Variants in KCNMA1 observed in about 807,000 individuals in gnomAD.
KCNMA1 encodes Calcium-activated potassium channel subunit alpha-1.
KCNMA1 carries 29 observed loss-of-function variants against 140.0 expected under a neutral mutation model. The ratio of observed to expected loss-of-function variants is 0.21; its 90% CI spans 0.15 to 0.28. The LOEUF (loss-of-function observed/expected upper bound fraction) is 0.28. KCNMA1 is among the 10% of genes least tolerant of loss of function. KCNMA1 has a pLI of 1.00. For missense variants in KCNMA1, 880 were observed against 1,602.2 expected, an observed-to-expected ratio of 0.55 and a Z score of 7.70; for synonymous variants, 612 against 611.9, an observed-to-expected ratio of 1.00 and a Z score of 0.00.
intron 3 of KCNMA1, among the ~76,000 whole-genome samples, chr10:77,205,476 G>A (rs1361599713): frequency 2.0e-5 from 3 of 152,138 alleles, no homozygotes; most frequent in Admixed American, 1.3e-4. Flanking sequence ...GTGTGGGTGA[G>A]GATTTTAACC....
intron 2 of KCNMA1, among the ~76,000 whole-genome samples, chr10:77,387,727 C>A (rs761803759): frequency 6.6e-6 from 1 of 151,946 alleles, no homozygotes; most frequent in Non-Finnish European, 1.5e-5. Flanking sequence ...AAGTGATTCT[C>A]CTGCCTCAGC....
intron 2 of KCNMA1, among the ~76,000 whole-genome samples, chr10:77,385,474 T>G (rs920822094): frequency 6.6e-6 from 1 of 152,254 alleles, no homozygotes; most frequent in Non-Finnish European, 1.5e-5. Context: ...GTACTACGAT[T>G]GTCTTCTGTC....
intron 19 of KCNMA1, among the ~76,000 whole-genome samples, chr10:76,993,178 T>C (rs567689710): frequency 6.6e-6 from 1 of 152,320 alleles, no homozygotes; most frequent in Admixed American, 6.5e-5. Flanking sequence ...AGGTGAGAGC[T>C]GCCTGCCTGT....
chr10:77,462,300 C>T (rs1378484503), intron 1 of KCNMA1, among the ~76,000 whole-genome samples: 1 of 152,128 alleles, frequency 6.6e-6, no homozygotes, highest in African/African-American at 2.4e-5. Context: ...AGCACACACA[C>T]ACATACACAG....
intron 1 of KCNMA1, among the ~76,000 whole-genome samples, chr10:77,514,853 G>A (rs540953556): frequency 2.4e-4 from 37 of 152,086 alleles, no homozygotes; most frequent in African/African-American, 8.7e-4. Context: ...CTTCACTCAC[G>A]TCTAGACACC....
intron 2 of KCNMA1, among the ~76,000 whole-genome samples, chr10:77,275,119 A>G (rs2066288694): frequency 6.6e-6 from 1 of 152,204 alleles, no homozygotes; most frequent in Non-Finnish European, 1.5e-5. Flanking sequence ...CAACTGGATC[A>G]ACCACACAGA....
intron 23 of KCNMA1, among the ~76,000 whole-genome samples, chr10:76,941,678 C>T (rs114679522): frequency 0.027 from 4,153 of 152,258 alleles, 146 homozygotes; most frequent in African/African-American, 0.084. Flanking sequence ...ATGCTCCTCT[C>T]CACTGCTGAC....
chr10:77,633,397 G>A (rs1221813131), intron 1 of KCNMA1, among the ~76,000 whole-genome samples: 1 of 152,102 alleles, frequency 6.6e-6, no homozygotes, highest in South Asian at 2.1e-4. Flanking sequence ...AGGTCAGCTG[G>A]AGCTCCCCCG....
intron 14 of KCNMA1, among the ~76,000 whole-genome samples, chr10:77,053,184 C>T (rs1225614412): frequency 6.6e-6 from 1 of 152,150 alleles, no homozygotes; most frequent in Non-Finnish European, 1.5e-5. Flanking sequence ...GCTCACCTGT[C>T]CCATGAGCAA....
rs1005887062 is a variant in KCNMA1, at chr10:76,886,561, C to T, written c.*705G>A. 3 of 986,216 alleles carry T rather than the reference C, an allele frequency of 3.0e-6. No homozygotes were observed. The highest frequency in any genetic ancestry group is 3.5e-5 in the African/African-American group (2 of 57,326). The allele number at this position is 986,216 out of a possible 1,614,324, so 61.1% of individuals were successfully genotyped here. A position where few individuals can be genotyped will look rare whatever the true frequency, so the allele number is the denominator to read the frequency against. ...ACATCCATGATTGGAATACTATTCT[C>T]TCCTCCATATTAAGGTGAGAAATGT... On this transcript the variant is annotated 3_prime_UTR_variant, in exon 28 of 28. Coordinates refer to ENST00000286628, the MANE Select transcript of KCNMA1 (RefSeq NM_001161352.2).
chr10:77,142,606 G>A (rs181998780), intron 5 of KCNMA1, among the ~76,000 whole-genome samples: 171 of 152,202 alleles, frequency 1.1e-3, no homozygotes, highest in African/African-American at 3.6e-3. Flanking sequence ...TTTAGGCCGA[G>A]GGAACAGCAT....
intron 13 of KCNMA1, among the ~76,000 whole-genome samples, chr10:77,074,223 G>A (rs137936940): frequency 4.7e-4 from 72 of 152,278 alleles, no homozygotes; most frequent in Admixed American, 2.7e-3. Flanking sequence ...TAAGTGTGTG[G>A]GTAACTAAAA....
chr10:77,511,776 TG>T (rs1361346922), intron 1 of KCNMA1, among the ~76,000 whole-genome samples: 1 of 152,208 alleles, frequency 6.6e-6, no homozygotes, highest in Non-Finnish European at 1.5e-5. Context: ...CATGGGCGAA[TG>T]CAGGCTGATG....
intron 3 of KCNMA1, among the ~76,000 whole-genome samples, chr10:77,199,284 C>T (rs1793043142): frequency 6.6e-6 from 1 of 152,168 alleles, no homozygotes; most frequent in Non-Finnish European, 1.5e-5. Context: ...AGGCACTATG[C>T]TGGTTTTGGA....
chr10:77,280,079 C>T (rs951260375), intron 2 of KCNMA1, among the ~76,000 whole-genome samples: 1 of 152,190 alleles, frequency 6.6e-6, no homozygotes, highest in East Asian at 1.9e-4. Context: ...CCAGATCCTT[C>T]CTCCTCTAAT....
chr10:77,143,927 G>A (rs1174303369), intron 5 of KCNMA1, among the ~76,000 whole-genome samples: 2 of 152,170 alleles, frequency 1.3e-5, no homozygotes, highest in African/African-American at 4.8e-5. Context: ...ACATTATCAA[G>A]TGTTGGTGAA....
intron 1 of KCNMA1, among the ~76,000 whole-genome samples, chr10:77,508,565 CT>C (rs773700858): frequency 0.1 from 13,008 of 124,246 alleles, 830 homozygotes; most frequent in African/African-American, 0.2. Flanking sequence ...TTTCCTTTTT[CT>C]TTTTTTTTTC....
At chr10:77,626,857 T>C (rs2092592728) in intron 1 of KCNMA1, among the ~76,000 whole-genome samples, 1 of 152,226 alleles carries the variant, frequency 6.6e-6, no homozygotes, top group African/African-American at 2.4e-5. Flanking sequence ...TCATTTGACA[T>C]GATTTATTCA....
intron 1 of KCNMA1, among the ~76,000 whole-genome samples, chr10:77,599,438 T>C (rs1369866438): frequency 1.3e-5 from 2 of 152,286 alleles, no homozygotes; most frequent in African/African-American, 4.8e-5. Context: ...CCAAGACTTA[T>C]GTCTCTATTG....
Sources: gnomAD v4.1 joint callset for allele counts (sites outside exome capture counted in the v4.1 genomes callset) on GRCh38, gnomAD v4.1.1 for gene constraint, MANE v1.5 for transcripts, NCBI Gene and HGNC (gene_info 2026-07-23, HGNC 2026-07-21) for gene names.